The following PDE4D variants were observed in gnomAD, a reference collection of about 807,000 sequenced individuals.
PDE4D encodes 3',5'-cyclic-AMP phosphodiesterase 4D.
PDE4D carries 24 observed loss-of-function variants against 87.4 expected under a neutral mutation model. That is an observed-to-expected ratio of 0.27 (90% CI 0.20 to 0.39). The LOEUF (loss-of-function observed/expected upper bound fraction) is 0.39. Among genes scored for constraint, PDE4D ranks in the 10% least tolerant of loss-of-function variants. The probability of loss-of-function intolerance (pLI) is 1.00; values close to 1 mark genes in which losing one functional copy is unlikely to be tolerated. For missense variants in PDE4D, 714 were observed against 1,041.0 expected (o/e 0.69, Z 4.32); for synonymous variants, 384 against 383.2 (o/e 1.00, Z -0.02).
chr5:59,536,027 C>A (rs1328460563), intron 1 of PDE4D, among the ~76,000 whole-genome samples: 1 of 152,098 alleles, frequency 6.6e-6, no homozygotes, highest in Non-Finnish European at 1.5e-5. Flanking sequence ...TGATCTCTTC[C>A]AAGACTTAAA....
chr5:60,496,094 A>G (rs1426974226), intron 1 of PDE4D, among the ~76,000 whole-genome samples: 5 of 152,132 alleles, frequency 3.3e-5, no homozygotes, highest in African/African-American at 4.8e-5. Context: ...TTTGCTGCCA[A>G]TGTGGGCCCT....
chr5:60,291,415 A>G (rs1267436907), intron 1 of PDE4D, among the ~76,000 whole-genome samples: 1 of 152,208 alleles, frequency 6.6e-6, no homozygotes, highest in Non-Finnish European at 1.5e-5. Context: ...AAAGAATTCA[A>G]TTTAAAAAAG....
chr5:59,053,648 T>TTTTG (rs370835148), intron 5 of PDE4D, among the ~76,000 whole-genome samples: 7,700 of 114,060 alleles, frequency 0.068, 907 homozygotes, highest in African/African-American at 0.23. Context: ...GTTTTTTGTT[T>TTTTG]TTTTTTGTTG....
At chr5:59,191,276 T>C (rs918298811) in intron 3 of PDE4D, among the ~76,000 whole-genome samples, 3 of 152,164 alleles carry the variant, frequency 2.0e-5, no homozygotes, top group Admixed American at 6.5e-5. Flanking sequence ...AGAGCACTGA[T>C]GGCAGGGTTC....
At chr5:60,450,111 T>C (rs1745978991) in intron 1 of PDE4D, among the ~76,000 whole-genome samples, 2 of 150,282 alleles carry the variant, frequency 1.3e-5, no homozygotes, top group Admixed American at 1.3e-4. Flanking sequence ...TAATCAGAAG[T>C]TCACATACCA....
intron 5 of PDE4D, among the ~76,000 whole-genome samples, chr5:59,135,759 T>A (rs951427448): frequency 1.3e-5 from 2 of 152,232 alleles, no homozygotes; most frequent in African/African-American, 2.4e-5. Flanking sequence ...CTGAAGATAC[T>A]GGGCCATGAA....
intron 1 of PDE4D, among the ~76,000 whole-genome samples, chr5:60,311,409 T>C (rs546929838): frequency 6.6e-6 from 1 of 152,348 alleles, no homozygotes; most frequent in South Asian, 2.1e-4. Context: ...CAGAGGCCTA[T>C]ATTCAACATT....
intron 1 of PDE4D, among the ~76,000 whole-genome samples, chr5:59,335,005 C>G (rs180966627): frequency 1.3e-5 from 2 of 152,124 alleles, no homozygotes; most frequent in African/African-American, 4.8e-5. Flanking sequence ...ACACTACTTC[C>G]TTCCAGCAGC....
intron 1 of PDE4D, among the ~76,000 whole-genome samples, chr5:60,281,751 G>A (rs1751925786): frequency 6.6e-6 from 1 of 151,974 alleles, no homozygotes; most frequent in African/African-American, 2.4e-5. Context: ...GAAAAGAAGG[G>A]GCCGAGCATG....
chr5:60,090,010 G>A (rs913793464), intron 2 of PDE4D, among the ~76,000 whole-genome samples: 1 of 151,970 alleles, frequency 6.6e-6, no homozygotes, highest in Non-Finnish European at 1.5e-5. Flanking sequence ...ATGAGTATGA[G>A]ACTGCAGTAG....
rs1256102106 is a variant in PDE4D, at chr5:59,001,985, C to T, written c.922-8520G>A. 5.2e-5 allele frequency: 26 copies of T among 498,676 alleles called. No individual in the cohort carries two copies. In the East Asian group the frequency reaches 1.4e-3, roughly 28 times the overall value. The allele number at this position is 498,676 out of a possible 1,614,324, so 30.9% of individuals were successfully genotyped here. A position where few individuals can be genotyped will look rare whatever the true frequency, so the allele number is the denominator to read the frequency against. ...CCCGGCATGTTCCCCTATACGGCAT[C>T]ACCTTCCCTCCTTCATTCAACTTTG... On this transcript the variant is annotated intron_variant, in intron 6 of 14. Transcript: ENST00000340635.
intron 5 of PDE4D, among the ~76,000 whole-genome samples, chr5:59,057,721 T>C (rs985307961): frequency 6.6e-6 from 1 of 152,190 alleles, no homozygotes; most frequent in African/African-American, 2.4e-5. Context: ...ACATCCTAAA[T>C]CTCTGTAGCT....
rs528204795 is a variant in PDE4D, at chr5:59,978,337, C to T, written c.272+10151G>A. Among the ~76,000 whole-genome samples, 10 of 152,204 alleles carry T rather than the reference C, an allele frequency of 6.6e-5. No homozygotes were observed. The South Asian group carries it at 1.5e-3, about 22-fold the overall frequency. On this transcript the variant is annotated intron_variant, in intron 3 of 16. Coordinates refer to the PDE4D transcript ENST00000502484. ...GCATAGGTCAAAATATCAACATTAACAAGAGTTTGGAAGAAATTGATTCCA... is the reference window on the plus strand; with the variant it reads ...GCATAGGTCAAAATATCAACATTAATAAGAGTTTGGAAGAAATTGATTCCA...
chr5:60,225,581 G>T (rs1014053320), intron 1 of PDE4D, among the ~76,000 whole-genome samples: 2 of 152,052 alleles, frequency 1.3e-5, no homozygotes, highest in Admixed American at 1.3e-4. Flanking sequence ...ACTGTGAGAT[G>T]ATTAAATCTG....
chr5:59,700,419 T>TA (rs1331319085), intron 1 of PDE4D, among the ~76,000 whole-genome samples: 1 of 152,146 alleles, frequency 6.6e-6, no homozygotes, highest in African/African-American at 2.4e-5. Context: ...TCAAAATGGG[T>TA]AAGAATGTGA....
chr5:59,694,723 A>G (rs1751495947), intron 1 of PDE4D, among the ~76,000 whole-genome samples: 1 of 152,032 alleles, frequency 6.6e-6, no homozygotes, highest in Admixed American at 6.6e-5. Flanking sequence ...AACAAAGCCA[A>G]TGTCTTGAGA....
intron 6 of PDE4D, among the ~76,000 whole-genome samples, chr5:59,004,503 A>C (rs977052920): frequency 6.6e-6 from 1 of 152,244 alleles, no homozygotes; most frequent in Non-Finnish European, 1.5e-5. Context: ...GTGTTATGTT[A>C]GAAAAATTTT....
chr5:59,414,570 G>A (rs77997199), intron 1 of PDE4D, among the ~76,000 whole-genome samples: 333 of 152,324 alleles, frequency 2.2e-3, no homozygotes, highest in African/African-American at 7.5e-3. Flanking sequence ...TGGATGAAAA[G>A]CAAGAGAAGG....
At chr5:59,337,290 T>G (rs910159192) in intron 1 of PDE4D, among the ~76,000 whole-genome samples, 2 of 151,338 alleles carry the variant, frequency 1.3e-5, no homozygotes, top group African/African-American at 2.4e-5. Context: ...AAATTTTTAA[T>G]GATGCTGGTA....
Sources: allele counts gnomAD v4.1 joint callset (sites outside exome capture counted in the v4.1 genomes callset), GRCh38; gene constraint gnomAD v4.1.1; transcripts MANE v1.5; gene names NCBI Gene and HGNC (gene_info 2026-07-23, HGNC 2026-07-21).